Variants in NUP160 observed in about 807,000 individuals in gnomAD.
NUP160 encodes nucleoporin 160, also known as nuclear pore complex protein Nup160.
Under a neutral mutation model 196.9 loss-of-function variants are expected in NUP160, and 94 were observed. That is an observed-to-expected ratio of 0.48 (90% CI 0.40 to 0.57). NUP160 has a LOEUF of 0.57. NUP160 is among the 20% of genes least tolerant of loss of function. The pLI is 0.00. For synonymous variants in NUP160, 605 were observed against 619.7 expected (o/e 0.98, Z 0.35); for missense variants, 1,638 against 1,748.3 (o/e 0.94, Z 1.13).
At chr11:47,829,353 C>T (rs1852031704) in intron 7 of NUP160, among the ~76,000 whole-genome samples, 1 of 152,002 alleles carries the variant, frequency 6.6e-6, no homozygotes, top group African/African-American at 2.4e-5. Flanking sequence ...GCTCTGTTGC[C>T]CAGGCTGGAT....
intron 31 of NUP160, chr11:47,787,034 C>A (rs938042173): frequency 1.3e-5 from 2 of 151,152 alleles, no homozygotes; most frequent in Admixed American, 6.7e-5. Context: ...ATGATCCGCC[C>A]GCCTAGGTCT....
chr11:47,793,827 G>A lies in NUP160; in HGVS notation c.3290-881C>T, dbSNP rs570760470. Among the ~76,000 whole-genome samples the A allele has an allele frequency of 1.7e-3, 241 of 138,262 alleles. 1 individual carries two copies. The highest frequency in any genetic ancestry group is 6.3e-3 in the African/African-American group (230 of 36,332). The allele number at this position is 138,262 out of a possible 152,430, so 90.7% of individuals were successfully genotyped here. On this transcript the variant is annotated intron_variant, in intron 27 of 35. Transcript: ENST00000378460. ...GCGGTCTCAGCTCATTGCAATCTCT[G>A]CTTCCTGGGTTCAAGCGATTCTCCT...
intron 15 of NUP160, 63 bp downstream of exon 15, chr11:47,812,819 A>C: frequency 7.0e-7 from 1 of 1,429,902 alleles, no homozygotes; most frequent in Non-Finnish European, 9.6e-7. Flanking sequence ...TTAAAATTCC[A>C]ACTTTGGCGC....
Position 47,848,415 on chromosome 11 carries a change from A to G in NUP160, c.6T>C (p.Leu2=), listed in dbSNP as rs905147300. The change falls in exon 1 of 36, where the codon CTT becomes CTC. Residue 2 remains leucine (L), a synonymous_variant. Coordinates refer to ENST00000378460, the Ensembl canonical transcript of NUP160. Reference sequence around the variant, plus strand: ...GGGCGGGCGGAGCTGCGGACAGGTGAAGCATTCCGGGAGCAGAAAGGCGGC... The same window carrying G: ...GGGCGGGCGGAGCTGCGGACAGGTGGAGCATTCCGGGAGCAGAAAGGCGGC... The G allele has an allele frequency of 1.9e-6, 3 of 1,570,222 alleles. No homozygotes were observed. In the South Asian group the frequency reaches 3.4e-5, roughly 18 times the overall value.
intron 32 of NUP160, among the ~76,000 whole-genome samples, chr11:47,785,341 C>A (rs770017799): frequency 6.6e-6 from 1 of 151,942 alleles, no homozygotes; most frequent in East Asian, 1.9e-4. Flanking sequence ...ATGTTGTCCA[C>A]GCTGGTATTA....
intron 31 of NUP160, 71 bp from the exon 32 acceptor site, chr11:47,786,625 TAG>T: frequency 2.2e-6 from 2 of 897,408 alleles, no homozygotes; most frequent in African/African-American, 1.6e-5. Flanking sequence ...ATACTAAAAC[TAG>T]AGAGATAGAT....
At chr11:47,806,852 C>G (rs3837374) in intron 19 of NUP160, among the ~76,000 whole-genome samples, 2 of 124,334 alleles carry the variant, frequency 1.6e-5, no homozygotes, top group Non-Finnish European at 1.7e-5. Flanking sequence ...CACACACACA[C>G]ATATATATAC....
In NUP160 at chr11:47,792,868, T is replaced by C. The variant is rs754933075; in HGVS notation, c.3368A>G (p.Asn1123Ser). 5.0e-6 allele frequency: 8 copies of C among 1,614,072 alleles called. No homozygotes were observed. The Admixed American group carries it at 5.0e-5, about 10-fold the overall frequency. ...ACAATTGAGAGCAGCCAGATAACAG[T>C]TGCCTTGTTTCTCAAGTCCCCGGAG... Residue 1123 changes from asparagine (N) to serine (S), a missense_variant, in exon 28 of 36, where the codon AAC (asparagine) becomes AGC (serine). This residue lies in a region of NUP160 where 1,345 missense variants were observed against 1,470.2 expected (regional missense o/e 0.91). Coordinates refer to ENST00000378460, the Ensembl canonical transcript of NUP160.
exon 8 of NUP160, chr11:47,822,140 T>G (rs1337462142): frequency 1.9e-6 from 3 of 1,609,844 alleles, no homozygotes; most frequent in Non-Finnish European, 2.5e-6. Flanking sequence ...TTACTCTCAG[T>G]GCTCACCAAC....
At chr11:47,791,181 C>A (rs2097667708) in intron 29 of NUP160, among the ~76,000 whole-genome samples, 1 of 151,934 alleles carries the variant, frequency 6.6e-6, no homozygotes, top group African/African-American at 2.4e-5. Flanking sequence ...ATGTTCCTTA[C>A]ACTGGATTCA....
chr11:47,788,443 A>G (rs974382462), intron 30 of NUP160, 58 bp downstream of exon 30: 4 of 1,543,530 alleles, frequency 2.6e-6, no homozygotes, highest in Non-Finnish European at 3.6e-6. Flanking sequence ...CACTGCCTGG[A>G]CCTAAAATGT....
Position 47,836,923 on chromosome 11 carries a change from CA to C in NUP160, c.905del (p.Leu302CysfsTer18), listed in dbSNP as rs1852187263. On this transcript the variant is annotated frameshift_variant, in exon 6 of 36. Coordinates refer to ENST00000378460, the Ensembl canonical transcript of NUP160. LOFTEE classifies it high-confidence loss of function. ...ACATTCGTAGTTTATGATCCTGACACAAAGCAAAGATGAAGGCATCATGCTC... is the reference window on the plus strand; with the variant it reads ...ACATTCGTAGTTTATGATCCTGACACAAGCAAAGATGAAGGCATCATGCTC... 6.2e-7 allele frequency: 1 copy of C among 1,613,286 alleles called. No individual in the cohort carries two copies. Among genetic ancestry groups the C allele is most frequent in the Non-Finnish European group, 8.5e-7 (1 of 1,179,310 alleles).
At chr11:47,786,384 T>C in intron 32 of NUP160, 69 bp downstream of exon 32, 1 of 932,524 alleles carries the variant, frequency 1.1e-6, no homozygotes, top group Admixed American at 2.0e-5. Flanking sequence ...TAGGACAATT[T>C]AGTCAGAGAA....
intron 27 of NUP160, among the ~76,000 whole-genome samples, chr11:47,795,055 G>A (rs951078344): frequency 5.9e-5 from 9 of 151,966 alleles, no homozygotes; most frequent in South Asian, 2.1e-4. Flanking sequence ...AGCCGAGATC[G>A]AGACACTGCA....
chr11:47,840,835 G>T (rs567044140), intron 2 of NUP160, among the ~76,000 whole-genome samples: 4 of 152,130 alleles, frequency 2.6e-5, no homozygotes, highest in African/African-American at 9.6e-5. Context: ...ATTTATTTAG[G>T]ACAATATTTT....
rs377266689 is a variant in NUP160, at chr11:47,798,475, T to C, written c.2896-12A>G. ...AGTAGTCGTAAAACCTAACGAGAAA[T>C]AGAAGAAATTTCCATTAAAATTAAT... On this transcript the variant is annotated splice_polypyrimidine_tract_variant and intron_variant, in intron 23 of 35. Transcript: ENST00000378460. The C allele has an allele frequency of 7.8e-6, 11 of 1,405,014 alleles. No homozygotes were observed. The highest frequency in any genetic ancestry group is 4.3e-5 in the African/African-American group (3 of 69,826). The allele number at this position is 1,405,014 out of a possible 1,614,324, so 87.0% of individuals were successfully genotyped here. A position where few individuals can be genotyped will look rare whatever the true frequency, so the allele number is the denominator to read the frequency against.
intron 7 of NUP160, among the ~76,000 whole-genome samples, chr11:47,825,663 G>C (rs776796092): frequency 5.3e-5 from 8 of 151,996 alleles, no homozygotes; most frequent in Non-Finnish European, 1.2e-4. Context: ...ATGTTGGTCA[G>C]GGTGGTCTCA....
At chr11:47,841,539 C>A in intron 2 of NUP160, 1 of 423,290 alleles carries the variant, frequency 2.4e-6, no homozygotes, top group South Asian at 2.2e-5. Flanking sequence ...AACATGTGAG[C>A]TGAAAAACTG....
chr11:47,783,542 A>G (rs1430211315), intron 33 of NUP160, among the ~76,000 whole-genome samples: 2 of 152,236 alleles, frequency 1.3e-5, no homozygotes, highest in Non-Finnish European at 2.9e-5. Flanking sequence ...CCTGAACACT[A>G]AAGTGACAAT....
Sources: gnomAD v4.1 joint callset for allele counts (sites outside exome capture counted in the v4.1 genomes callset) on GRCh38, gnomAD v4.1.1 for gene constraint, gnomAD v4.1.1 regional missense constraint, MANE v1.5 for transcripts, NCBI Gene and HGNC (gene_info 2026-07-23, HGNC 2026-07-21) for gene names.